DLC1: variants seen among roughly 807,000 people sequenced by gnomAD.
DLC1 encodes the protein DLC1 Rho GTPase activating protein, also known as rho GTPase-activating protein 7.
Under a neutral mutation model 140.3 loss-of-function variants are expected in DLC1, and 54 were observed. The observed-to-expected ratio is 0.38, with a 90% CI of 0.31 to 0.48. The LOEUF (loss-of-function observed/expected upper bound fraction) is 0.48, where lower values mean the gene tolerates loss of function less well. Ranked by LOEUF, DLC1 falls within the 20% of genes least tolerant of loss-of-function variation. The pLI is 0.96. For synonymous variants in DLC1, 986 were observed against 728.1 expected (o/e 1.35, Z -5.70); for missense variants, 2,536 against 1,907.0 (o/e 1.33, Z -6.14).
In DLC1 at chr8:13,226,151, C is replaced by G. The variant is rs12678451; in HGVS notation, c.1348+79118G>C. On this transcript the variant is annotated intron_variant, in intron 5 of 17. Transcript: ENST00000276297. Reference sequence around the variant, plus strand: ...CTAGTCTTGAACTTCTGAGCTCAAACAATCCTCCCACCTTGGCCTTCCAAA... The same window carrying G: ...CTAGTCTTGAACTTCTGAGCTCAAAGAATCCTCCCACCTTGGCCTTCCAAA... Among the ~76,000 whole-genome samples, 878 of 152,280 alleles carry G rather than the reference C, an allele frequency of 5.8e-3. 67 individuals carry two copies. In the East Asian group the frequency reaches 0.15, roughly 26 times the overall value.
chr8:13,428,495 GAAT>G (rs1563338453), intron 2 of DLC1, among the ~76,000 whole-genome samples: 3 of 152,096 alleles, frequency 2.0e-5, no homozygotes, highest in Non-Finnish European at 2.9e-5. Flanking sequence ...TCCTAAAGAA[GAAT>G]ATTTAGTTTG....
chr8:13,084,181 G>C lies in DLC1; in HGVS notation c.*1630C>G, dbSNP rs1047238395. 2 of 152,476 alleles carry C rather than the reference G, an allele frequency of 1.3e-5. No homozygotes were observed. Among genetic ancestry groups the C allele is most frequent in the Non-Finnish European group, 2.9e-5 (2 of 68,010 alleles). The allele number at this position is 152,476 out of a possible 1,614,324, so 9.4% of individuals were successfully genotyped here. On this transcript the variant is annotated 3_prime_UTR_variant, in exon 18 of 18. Transcript: ENST00000276297. Reference sequence around the variant, plus strand: ...AGCACAGTGGACATGTTTCTTAATAGAATGGTATATACAACATACAATCTT... The same window carrying C: ...AGCACAGTGGACATGTTTCTTAATACAATGGTATATACAACATACAATCTT...
At chr8:13,195,701 C>G (rs1369875634) in intron 5 of DLC1, among the ~76,000 whole-genome samples, 1 of 152,190 alleles carries the variant, frequency 6.6e-6, no homozygotes, top group Non-Finnish European at 1.5e-5. Flanking sequence ...AGATTATTTT[C>G]TAACATAGCT....
At chr8:13,174,285 T>G (rs1303075733) in intron 5 of DLC1, among the ~76,000 whole-genome samples, 3 of 152,236 alleles carry the variant, frequency 2.0e-5, no homozygotes, top group Non-Finnish European at 2.9e-5. Context: ...CCTAGGTTGA[T>G]TCTATGTCTT....
At chr8:13,539,398 C>T (rs1434143858) in intron 1 of DLC1, among the ~76,000 whole-genome samples, 1 of 152,076 alleles carries the variant, frequency 6.6e-6, no homozygotes, top group Non-Finnish European at 1.5e-5. Context: ...GACGGGGTTT[C>T]ATCGTGTTAG....
chr8:13,485,589 T>A (rs1800934448), intron 2 of DLC1, among the ~76,000 whole-genome samples: 1 of 152,242 alleles, frequency 6.6e-6, no homozygotes, highest in African/African-American at 2.4e-5. Flanking sequence ...TAGTAACGTA[T>A]CTGTTGACAT....
At chr8:13,328,063 T>C (rs1459436955) in intron 4 of DLC1, among the ~76,000 whole-genome samples, 1 of 152,076 alleles carries the variant, frequency 6.6e-6, no homozygotes, top group Non-Finnish European at 1.5e-5. Context: ...TGGTGAGTGA[T>C]GGAAAAGGGA....
At chr8:13,539,028 C>A (rs1172903457) in intron 1 of DLC1, among the ~76,000 whole-genome samples, 5 of 152,116 alleles carry the variant, frequency 3.3e-5, no homozygotes, top group Non-Finnish European at 7.4e-5. Context: ...TTTTGATCTT[C>A]ATAGATAAGA....
In DLC1 at chr8:13,502,145, A is replaced by G. The variant is rs1011852866; in HGVS notation, c.-125-1949T>C. Among the ~76,000 whole-genome samples the G allele has an allele frequency of 3.3e-5, 5 of 152,322 alleles. No individual in the cohort carries two copies. In the South Asian group the frequency reaches 8.3e-4, roughly 25 times the overall value. On this transcript the variant is annotated intron_variant, in intron 1 of 17. Coordinates refer to ENST00000276297, the MANE Select transcript of DLC1 (RefSeq NM_182643.3). ...AAAATTTTGCCTTTAAGACTTGACA[A>G]TAATATTCATTAATTTCTGTCACTC... is the stretch of plus-strand genomic sequence containing the variant.
intron 5 of DLC1, among the ~76,000 whole-genome samples, chr8:13,253,926 C>T (rs765442695): frequency 6.6e-5 from 10 of 152,172 alleles, no homozygotes; most frequent in African/African-American, 1.2e-4. Context: ...ACAGCCCTGA[C>T]GTCAGGACGC....
chr8:13,381,225 G>A (rs570218220), intron 4 of DLC1, among the ~76,000 whole-genome samples: 1 of 152,304 alleles, frequency 6.6e-6, no homozygotes, highest in Non-Finnish European at 1.5e-5. Context: ...ACATGGCATC[G>A]TGTAAGGGCC....
intron 1 of DLC1, among the ~76,000 whole-genome samples, chr8:13,544,221 C>G (rs1191610573): frequency 1.4e-5 from 2 of 144,080 alleles, no homozygotes; most frequent in African/African-American, 2.5e-5. Context: ...CACACACACA[C>G]ACACAAATAG....
chr8:13,452,936 TG>T (rs1437118418), intron 2 of DLC1, among the ~76,000 whole-genome samples: 4 of 152,158 alleles, frequency 2.6e-5, no homozygotes, highest in Admixed American at 2.6e-4. Flanking sequence ...TATGAGTAAT[TG>T]TAATTAAATA....
intron 4 of DLC1, chr8:13,353,592 C>T (rs1368850946): frequency 6.6e-6 from 1 of 152,208 alleles, no homozygotes; most frequent in Non-Finnish European, 1.5e-5. Context: ...GCGGGTGGCT[C>T]ATGTCTGTAA....
intron 5 of DLC1, among the ~76,000 whole-genome samples, chr8:13,120,423 A>G (rs1820962684): frequency 6.7e-6 from 1 of 148,674 alleles, no homozygotes; most frequent in African/African-American, 2.4e-5. Flanking sequence ...ACAATGAACA[A>G]AATCTAAAAT....
At chr8:13,465,266 A>G (rs1431738755) in intron 2 of DLC1, among the ~76,000 whole-genome samples, 1 of 152,140 alleles carries the variant, frequency 6.6e-6, no homozygotes, top group Non-Finnish European at 1.5e-5. Flanking sequence ...CACTTCTAGG[A>G]GTGAAGTTCC....
intron 2 of DLC1, among the ~76,000 whole-genome samples, chr8:13,495,812 T>C (rs1350095921): frequency 2.6e-5 from 4 of 152,196 alleles, no homozygotes; most frequent in Admixed American, 2.6e-4. Flanking sequence ...AGTACAATGA[T>C]ATCTCTAGAG....
At chr8:13,567,030 T>A in intron 1 of DLC1, 2 of 1,551,268 alleles carry the variant, frequency 1.3e-6, no homozygotes, top group East Asian at 2.4e-5. Flanking sequence ...CGGACAAAAG[T>A]GCTCTTGCAA....
chr8:13,293,331 A>C (rs1443865669), intron 5 of DLC1, among the ~76,000 whole-genome samples: 1 of 152,252 alleles, frequency 6.6e-6, no homozygotes, highest in East Asian at 1.9e-4. Context: ...CAAGAGGAAA[A>C]AGAAAACCCA....
Sources: gnomAD v4.1 joint callset for allele counts (sites outside exome capture counted in the v4.1 genomes callset) on GRCh38, gnomAD v4.1.1 for gene constraint, MANE v1.5 for transcripts, NCBI Gene and HGNC (gene_info 2026-07-23, HGNC 2026-07-21) for gene names.